Variants in ECPAS observed in about 807,000 individuals in gnomAD.
ECPAS encodes proteasome adapter and scaffold protein ECM29.
Under a neutral mutation model 255.1 loss-of-function variants are expected in ECPAS, and 70 were observed. That is an observed-to-expected ratio of 0.27 (90% CI 0.23 to 0.33). ECPAS has a LOEUF of 0.33. Among genes scored for constraint, ECPAS ranks in the 10% least tolerant of loss-of-function variants. The pLI is 1.00. For synonymous variants in ECPAS, 784 were observed against 775.0 expected, an observed-to-expected ratio of 1.01 and a Z score of -0.19; for missense variants, 1,817 against 2,206.4, an observed-to-expected ratio of 0.82 and a Z score of 3.54.
At chr9:111,385,808 G>A (rs2098147406) in intron 32 of ECPAS, among the ~76,000 whole-genome samples, 1 of 152,168 alleles carries the variant, frequency 6.6e-6, no homozygotes. Context: ...ACATCTTGGT[G>A]TCTACCAATT....
At position 111,361,499 on chromosome 9, in the gene ECPAS, G is replaced by A. The variant is rs2098113211; in HGVS notation, c.*531C>T. On this transcript the variant is annotated 3_prime_UTR_variant, in exon 50 of 50. Transcript: ENST00000684092. ...TCTTGGAAGTTTCTTGGGTAAGCCG[G>A]GGTTAGCACTGATTTGGCAGATGGC... The A allele has an allele frequency of 6.6e-6, 1 of 152,332 alleles. No homozygotes were observed. The highest frequency in any genetic ancestry group is 2.1e-4 in the South Asian group (1 of 4,832). 9.4% of individuals were successfully genotyped at this position (152,332 alleles called of 1,614,324 possible).
chr9:111,401,631 G>A lies in ECPAS; in HGVS notation c.2653-4478C>T, dbSNP rs185216042. ...AGCCTGAGGGCACTGCAGGAGACCA[G>A]GGCATATTTCAGTCCTTATCTCAAC... On this transcript the variant is annotated intron_variant, in intron 24 of 49. Coordinates refer to ENST00000684092, the MANE Select transcript of ECPAS (RefSeq NM_001364929.1). 9.1e-4 allele frequency among the ~76,000 whole-genome samples: 138 copies of A among 152,310 alleles called. 1 individual carries two copies. Among genetic ancestry groups the A allele is most frequent in the African/African-American group, 3.1e-3 (127 of 41,572 alleles).
intron 24 of ECPAS, among the ~76,000 whole-genome samples, chr9:111,399,551 C>A (rs1383904102): frequency 1.3e-5 from 2 of 152,180 alleles, no homozygotes; most frequent in Non-Finnish European, 2.9e-5. Context: ...CAAATCTGGG[C>A]CAGAGGGGAA....
At chr9:111,478,041 C>T (rs1208873726) in intron 1 of ECPAS, among the ~76,000 whole-genome samples, 1 of 151,862 alleles carries the variant, frequency 6.6e-6, no homozygotes, top group Non-Finnish European at 1.5e-5. Flanking sequence ...GCTGGGACTA[C>T]AGGCGCATGC....
Position 111,402,224 on chromosome 9 carries a change from C to T in ECPAS, c.2653-5071G>A, listed in dbSNP as rs182783484. Reference sequence around the variant, plus strand: ...TATGTTCTTCTGCCACAGCTTCAGCCGGTCCCTCCACTTGGGGTCCCTGAC... The same window carrying T: ...TATGTTCTTCTGCCACAGCTTCAGCTGGTCCCTCCACTTGGGGTCCCTGAC... On this transcript the variant is annotated intron_variant, in intron 24 of 49. Coordinates refer to ENST00000684092, the MANE Select transcript of ECPAS (RefSeq NM_001364929.1). 1.1e-3 allele frequency among the ~76,000 whole-genome samples: 162 copies of T among 152,258 alleles called. No individual in the cohort carries two copies. The Middle Eastern group carries it at 0.017, about 16-fold the overall frequency.
intron 12 of ECPAS, among the ~76,000 whole-genome samples, chr9:111,424,379 A>G (rs1201845830): frequency 6.6e-6 from 1 of 152,232 alleles, no homozygotes; most frequent in African/African-American, 2.4e-5. Flanking sequence ...GTAACTCACC[A>G]AAGAACAAAA....
chr9:111,484,228 C>G lies in ECPAS; in HGVS notation c.-195G>C, dbSNP rs1415682115. ...CCCCGGGGAGCCGCGCGCCGCAGTC[C>G]GTGAGGGGCTGGGCCGAGCGGGCCC... On this transcript the variant is annotated 5_prime_UTR_variant, in exon 1 of 50. Coordinates refer to ENST00000684092, the MANE Select transcript of ECPAS (RefSeq NM_001364929.1). 3.4e-5 allele frequency: 50 copies of G among 1,468,268 alleles called. No homozygotes were observed. Among genetic ancestry groups the G allele is most frequent in the Non-Finnish European group, 4.5e-5 (50 of 1,115,300 alleles). 91.0% of individuals were successfully genotyped at this position (1,468,268 alleles called of 1,614,324 possible).
chr9:111,456,541 T>C (rs567447797), intron 2 of ECPAS, among the ~76,000 whole-genome samples: 1 of 152,332 alleles, frequency 6.6e-6, no homozygotes, highest in South Asian at 2.1e-4. Flanking sequence ...TTCACTAGAA[T>C]GTGTCTCATT....
rs543257090 is a variant in ECPAS, at chr9:111,397,067, G to A, written c.2739C>T (p.Ala913=). Residue 913 remains alanine, a synonymous_variant, in exon 25 of 50, where the codon GCC becomes GCT. Coordinates refer to ENST00000684092, the MANE Select transcript of ECPAS (RefSeq NM_001364929.1). ...IGTSSVAARD[A]WQMTEEEYTP... is the part of the protein sequence containing the mutation. ...TATATTCCTCTTCAGTCATTTGCCA[G>A]GCATCTCGGGCAGCCACAGAACTAG... 3.7e-6 allele frequency: 6 copies of A among 1,613,946 alleles called. No homozygotes were observed. Among genetic ancestry groups the A allele is most frequent in the East Asian group, 4.5e-5 (2 of 44,884 alleles).
At chr9:111,366,373 C>G in intron 47 of ECPAS, 46 bp from the exon 48 acceptor site, 1 of 1,440,998 alleles carries the variant, frequency 6.9e-7, no homozygotes, top group Non-Finnish European at 9.6e-7. Context: ...TATTAAGAAA[C>G]AGTCTAAAAC....
chr9:111,476,691 C>A (rs559406422), intron 1 of ECPAS, among the ~76,000 whole-genome samples: 1 of 150,770 alleles, frequency 6.6e-6, no homozygotes, highest in Admixed American at 6.7e-5. Context: ...AAGTGGGAGT[C>A]TCACTCTGTC....
intron 45 of ECPAS, among the ~76,000 whole-genome samples, chr9:111,369,743 G>T (rs7862306): frequency 0.15 from 22,615 of 149,320 alleles, 2,226 homozygotes; most frequent in East Asian, 0.33. Context: ...CCTTTTTTTT[G>T]GGGGGGGGAC....
At chr9:111,374,669 G>A (rs761472470) in intron 38 of ECPAS, among the ~76,000 whole-genome samples, 7 of 152,180 alleles carry the variant, frequency 4.6e-5, no homozygotes, top group Non-Finnish European at 8.8e-5. Flanking sequence ...AAGAAAAAAT[G>A]TGAGTTATTA....
rs750758684 is a variant in ECPAS at position 111,362,107 on chromosome 9, T to A, written c.5443A>T (p.Thr1815Ser). 1.9e-6 allele frequency: 3 copies of A among 1,610,926 alleles called. No individual in the cohort carries two copies. Among genetic ancestry groups the A allele is most frequent in the African/African-American group, 2.7e-5 (2 of 74,306 alleles). Residue 1815 changes from threonine (T) to serine (S), a missense_variant, in exon 50 of 50, where the codon ACT becomes TCT. Physicochemically the swap from Thr to Ser is moderately conservative, Grantham distance 58. This residue lies in a region of ECPAS where 960 missense variants were observed against 1,179.0 expected (regional missense o/e 0.81). Coordinates refer to ENST00000684092, the MANE Select transcript of ECPAS (RefSeq NM_001364929.1). ...TCAGGTCTGCTGTCTGGCTCCATAG[T>A]AGCTAAAGACTCAATTAGGAGCACT... Reference protein sequence around the residue: ...CRVLLIESLATMEPDSRPELQ... With the variant: ...CRVLLIESLASMEPDSRPELQ...
chr9:111,363,416 T>C (rs1427751309), intron 49 of ECPAS, among the ~76,000 whole-genome samples, 172 bp downstream of exon 49: 1 of 152,176 alleles, frequency 6.6e-6, no homozygotes, highest in African/African-American at 2.4e-5. Flanking sequence ...AATTTAAATA[T>C]TTAGTAAAAT....
chr9:111,458,525 T>C (rs945601805), intron 2 of ECPAS, among the ~76,000 whole-genome samples: 9 of 152,040 alleles, frequency 5.9e-5, no homozygotes, highest in Non-Finnish European at 8.8e-5. Flanking sequence ...CCCCAGATTG[T>C]TTACGCTAAG....
At chr9:111,378,239 T>C (rs575046643) in intron 36 of ECPAS, among the ~76,000 whole-genome samples, 1 of 152,264 alleles carries the variant, frequency 6.6e-6, no homozygotes, top group Admixed American at 6.5e-5. Context: ...TTTTGAGATA[T>C]GCCAAAGTCT....
chr9:111,419,654 C>T (rs971680631), intron 16 of ECPAS, among the ~76,000 whole-genome samples: 2 of 151,418 alleles, frequency 1.3e-5, no homozygotes, highest in African/African-American at 4.8e-5. Flanking sequence ...TCAACATCAG[C>T]CTTTTTTCTC....
intron 42 of ECPAS, 79 bp from the exon 43 acceptor site, chr9:111,371,908 G>T: frequency 1.8e-6 from 2 of 1,139,442 alleles, no homozygotes; most frequent in Non-Finnish European, 2.6e-6. Context: ...AAAAGTCAGT[G>T]ACCAACAGTC....
Sources: gnomAD v4.1 joint callset for allele counts (sites outside exome capture counted in the v4.1 genomes callset) on GRCh38, gnomAD v4.1.1 for gene constraint, gnomAD v4.1.1 regional missense constraint, MANE v1.5 for transcripts, NCBI Gene and HGNC (gene_info 2026-07-23, HGNC 2026-07-21) for gene names.